The following BBS5 variants were observed in gnomAD, a reference collection of about 807,000 sequenced individuals.
BBS5 encodes Bardet-Biedl syndrome 5.
In BBS5, 39 loss-of-function variants were observed where a neutral mutation model predicts 50.2. The observed-to-expected ratio is 0.78, with a 90% CI of 0.60 to 1.01. The LOEUF (loss-of-function observed/expected upper bound fraction) is 1.01. Ranked by LOEUF, BBS5 falls within the 50% of genes least tolerant of loss-of-function variation. The pLI is 0.00. For synonymous variants in BBS5, 134 were observed against 133.1 expected (o/e 1.01, Z -0.05); for missense variants, 356 against 401.5 (o/e 0.89, Z 0.97).
chr2:169,485,407 T>C (rs971930646), intron 2 of BBS5, among the ~76,000 whole-genome samples: 5 of 152,192 alleles, frequency 3.3e-5, no homozygotes, highest in African/African-American at 7.2e-5. Flanking sequence ...AACTGAGGAA[T>C]ACAGAGGTTA....
chr2:169,489,139 GCAC>G (rs1559122515), intron 5 of BBS5, among the ~76,000 whole-genome samples: 1 of 151,946 alleles, frequency 6.6e-6, no homozygotes, highest in East Asian at 1.9e-4. Flanking sequence ...CTACAGGTGC[GCAC>G]CACCATGTCC....
At chr2:169,494,034 A>G (rs1002787148) in intron 7 of BBS5, among the ~76,000 whole-genome samples, 198 bp downstream of exon 7, 1 of 152,228 alleles carries the variant, frequency 6.6e-6, no homozygotes, top group African/African-American at 2.4e-5. Context: ...ACTGCATTCC[A>G]GAGAAGCAGC....
At chr2:169,494,857 A>G (rs573677359) in intron 7 of BBS5, among the ~76,000 whole-genome samples, 2 of 152,214 alleles carry the variant, frequency 1.3e-5, no homozygotes, top group Non-Finnish European at 2.9e-5. Flanking sequence ...AGTTTTATTA[A>G]TATTTATTGA....
At chr2:169,491,605 A>G (rs1574338933) in intron 5 of BBS5, among the ~76,000 whole-genome samples, 1 of 152,096 alleles carries the variant, frequency 6.6e-6, no homozygotes, top group Admixed American at 6.5e-5. Flanking sequence ...TGAAAAAGTT[A>G]TAAGGATTTA....
chr2:169,481,548 A>G (rs1683396504), intron 1 of BBS5, among the ~76,000 whole-genome samples: 1 of 152,136 alleles, frequency 6.6e-6, no homozygotes, highest in Non-Finnish European at 1.5e-5. Flanking sequence ...ATATGGTCAT[A>G]TCTGTATTTT....
intron 10 of BBS5, 80 bp from the exon 11 acceptor site, chr2:169,504,223 C>T: frequency 8.4e-7 from 1 of 1,185,568 alleles, no homozygotes; most frequent in Admixed American, 1.7e-5. Flanking sequence ...AATCATTCTG[C>T]ATATTAAGTT....
At chr2:169,481,816 G>A (rs369261374) in intron 1 of BBS5, among the ~76,000 whole-genome samples, 6 of 152,046 alleles carry the variant, frequency 3.9e-5, no homozygotes, top group Admixed American at 6.6e-5. Flanking sequence ...CTGTGCACAG[G>A]ATAAGGCCTA....
At chr2:169,500,305 C>T (rs1487374922) in intron 9 of BBS5, among the ~76,000 whole-genome samples, 2 of 152,196 alleles carry the variant, frequency 1.3e-5, no homozygotes, top group African/African-American at 4.8e-5. Context: ...ATCACCAGTA[C>T]CCTTGCTAGA....
chr2:169,504,881 G>T lies in BBS5; in HGVS notation c.*299G>T, dbSNP rs979341057. 1.2e-5 allele frequency: 19 copies of T among 1,613,222 alleles called. No homozygotes were observed. Among genetic ancestry groups the T allele is most frequent in the Non-Finnish European group, 1.5e-5 (18 of 1,179,768 alleles). On this transcript the variant is annotated 3_prime_UTR_variant, in exon 12 of 12. Coordinates refer to ENST00000295240, the MANE Select transcript of BBS5 (RefSeq NM_152384.3). Reference sequence around the variant, plus strand: ...GGCGCTCCTACAGCAGTGCCTGCACGCCCGGCTGCAAATTCGCCCAGCCAA... The same window carrying T: ...GGCGCTCCTACAGCAGTGCCTGCACTCCCGGCTGCAAATTCGCCCAGCCAA...
chr2:169,480,869 C>CG (rs1433953098), intron 1 of BBS5, among the ~76,000 whole-genome samples: 2 of 151,822 alleles, frequency 1.3e-5, no homozygotes, highest in East Asian at 3.9e-4. Context: ...TTAGTAGAGA[C>CG]GGGGTTTCTC....
chr2:169,485,823 A>G (rs2105293558), intron 2 of BBS5, among the ~76,000 whole-genome samples: 1 of 152,252 alleles, frequency 6.6e-6, no homozygotes, highest in East Asian at 1.9e-4. Flanking sequence ...AGGTCTGGGT[A>G]TTTATTGCCC....
rs1683902065 is a variant in BBS5, at chr2:169,505,729, C to T, written c.*1147C>T. On this transcript the variant is annotated 3_prime_UTR_variant, in exon 12 of 12. Coordinates refer to ENST00000295240, the MANE Select transcript of BBS5 (RefSeq NM_152384.3). ...AGGAGCCCCTCTGCCCAGCAGCCGC[C>T]CCGTCTGAGAAGTGAGGAGCCCCTC... The T allele has an allele frequency of 1.0e-5, 2 of 198,508 alleles. No homozygotes were observed. Among genetic ancestry groups the T allele is most frequent in the Non-Finnish European group, 2.1e-5 (2 of 96,944 alleles). The allele number at this position is 198,508 out of a possible 1,614,324, so 12.3% of individuals were successfully genotyped here. A position where few individuals can be genotyped will look rare whatever the true frequency, so the allele number is the denominator to read the frequency against.
At chr2:169,504,458 T>G in intron 11 of BBS5, 23 bp from the exon 12 acceptor site, 2 of 1,605,598 alleles carry the variant, frequency 1.2e-6, no homozygotes, top group Non-Finnish European at 1.7e-6. Context: ...TATTCCCATC[T>G]TATCCTCCTG....
At chr2:169,500,043 G>A (rs185754200) in intron 9 of BBS5, among the ~76,000 whole-genome samples, 417 of 152,002 alleles carry the variant, frequency 2.7e-3, no homozygotes, top group South Asian at 0.011. Flanking sequence ...ACATCAGCAC[G>A]GCCTGCATCC....
At position 169,504,549 on chromosome 2, in the gene BBS5, C is replaced by T; in HGVS notation, c.993C>T (p.Phe331=). The change falls in exon 12 of 12, where the codon TTC becomes TTT. Residue 331 remains phenylalanine (F), a synonymous_variant. Transcript: ENST00000295240. ...GLAIEKLKDG[F]TLQGLWEVMS The stretch of plus-strand genomic sequence containing the variant: ...CAATAGAGAAATTGAAGGATGGATT[C>T]ACCCTACAGGGACTTTGGGAAGTAA... 6.2e-7 allele frequency: 1 copy of T among 1,613,724 alleles called. No individual in the cohort carries two copies.
intron 5 of BBS5, among the ~76,000 whole-genome samples, chr2:169,492,400 G>A (rs1324389910): frequency 6.6e-6 from 1 of 151,070 alleles, no homozygotes; most frequent in East Asian, 2.0e-4. Flanking sequence ...TGAGGCAGGA[G>A]AATCACTTGA....
At position 169,492,984 on chromosome 2, in the gene BBS5, G is replaced by A; in HGVS notation, c.497G>A (p.Gly166Glu). 2 of 1,613,662 alleles carry A rather than the reference G, an allele frequency of 1.2e-6. No individual in the cohort carries two copies. The highest frequency in any genetic ancestry group is 2.2e-5 in the South Asian group (2 of 91,066). ...GAACATGTATATGATAAAATAAATG[G>A]AGTTTGGAATTTATCCAGTGATCAG... is the stretch of plus-strand genomic sequence containing the variant. The part of the protein sequence containing the change: ...PQEHVYDKIN[G>E]VWNLSSDQGN... The change falls in exon 6 of 12, where the codon GGA becomes GAA. Residue 166 changes from glycine (G) to glutamate (E), a missense_variant. Coordinates refer to ENST00000295240, the MANE Select transcript of BBS5 (RefSeq NM_152384.3).
At chr2:169,479,634 G>C (rs1255931687) in intron 1 of BBS5, 22 bp downstream of exon 1, 9 of 1,614,008 alleles carry the variant, frequency 5.6e-6, no homozygotes, top group Non-Finnish European at 7.6e-6. Flanking sequence ...AGATTCCCGA[G>C]GGATCTTCAA....
rs1486813922 is a variant in BBS5, at chr2:169,505,154, G to A, written c.*572G>A. On this transcript the variant is annotated 3_prime_UTR_variant, in exon 12 of 12. Coordinates refer to ENST00000295240, the MANE Select transcript of BBS5 (RefSeq NM_152384.3). ...ATTTTTTTGGTGGAGACGGGGTTTC[G>A]CTGTGTTGGCCGGGCTGGTCTCCAG... 14 of 649,792 alleles carry A rather than the reference G, an allele frequency of 2.2e-5. No homozygotes were observed. Among genetic ancestry groups the A allele is most frequent in the South Asian group, 5.2e-5 (3 of 57,726 alleles). The allele number at this position is 649,792 out of a possible 1,614,324, so 40.3% of individuals were successfully genotyped here. A position where few individuals can be genotyped will look rare whatever the true frequency, so the allele number is the denominator to read the frequency against.
Sources: gnomAD v4.1 joint callset for allele counts (sites outside exome capture counted in the v4.1 genomes callset) on GRCh38, gnomAD v4.1.1 for gene constraint, MANE v1.5 for transcripts, NCBI Gene and HGNC (gene_info 2026-07-23, HGNC 2026-07-21) for gene names.